MGAT4C: variants seen among roughly 807,000 people sequenced by gnomAD.
MGAT4C encodes alpha-1,3-mannosyl-glycoprotein 4-beta-N-acetylglucosaminyltransferase C.
Under a neutral mutation model 40.1 loss-of-function variants are expected in MGAT4C, and 19 were observed. The ratio of observed to expected loss-of-function variants is 0.47; its 90% CI spans 0.33 to 0.70. The LOEUF (loss-of-function observed/expected upper bound fraction) is 0.70. MGAT4C is among the 30% of genes least tolerant of loss of function. MGAT4C has a pLI of 0.02. For synonymous variants in MGAT4C, 181 were observed against 187.1 expected, an observed-to-expected ratio of 0.97 and a Z score of 0.27; for missense variants, 491 against 563.2, an observed-to-expected ratio of 0.87 and a Z score of 1.30.
intron 2 of MGAT4C, among the ~76,000 whole-genome samples, chr12:86,557,732 T>G (rs925997011): frequency 6.6e-6 from 1 of 152,162 alleles, no homozygotes; most frequent in Non-Finnish European, 1.5e-5. Context: ...GAAAAAGTGT[T>G]TCTCTAAGAA....
chr12:86,578,801 A>G (rs1161901571), intron 2 of MGAT4C, among the ~76,000 whole-genome samples: 1 of 151,474 alleles, frequency 6.6e-6, no homozygotes, highest in African/African-American at 2.4e-5. Context: ...AATTTTCAGA[A>G]AACTTTTTGT....
intron 3 of MGAT4C, among the ~76,000 whole-genome samples, chr12:86,348,710 G>T (rs1220677155): frequency 6.6e-6 from 1 of 151,814 alleles, no homozygotes; most frequent in African/African-American, 2.4e-5. Flanking sequence ...TTTTTTAGTT[G>T]TTTAATTTTT....
chr12:86,435,582 T>A (rs1446075176), intron 2 of MGAT4C, among the ~76,000 whole-genome samples: 1 of 151,906 alleles, frequency 6.6e-6, no homozygotes, highest in East Asian at 1.9e-4. Flanking sequence ...CACCTATATG[T>A]CTTTATTTTT....
intron 2 of MGAT4C, among the ~76,000 whole-genome samples, chr12:86,546,595 G>C (rs541576106): frequency 6.6e-6 from 1 of 152,122 alleles, no homozygotes; most frequent in Non-Finnish European, 1.5e-5. Flanking sequence ...AAGTTAAGCA[G>C]AGGCAAATTT....
chr12:86,451,293 C>T (rs994342089), intron 2 of MGAT4C, among the ~76,000 whole-genome samples: 4 of 152,136 alleles, frequency 2.6e-5, no homozygotes, highest in African/African-American at 9.7e-5. Context: ...CTTCATCTAC[C>T]TCCATGATTG....
At chr12:86,683,057 G>C (rs1314012322) in intron 2 of MGAT4C, among the ~76,000 whole-genome samples, 1 of 152,112 alleles carries the variant, frequency 6.6e-6, no homozygotes, top group Non-Finnish European at 1.5e-5. Context: ...TCCTGAGCAG[G>C]ATGTCTTTGG....
In MGAT4C at chr12:85,989,472, T is replaced by C. The variant is rs749807069; in HGVS notation, c.75A>G (p.Thr25=). The C allele has an allele frequency of 7.5e-6, 12 of 1,607,740 alleles. No individual in the cohort carries two copies. In the Admixed American group the frequency reaches 1.7e-4, roughly 23 times the overall value. The change falls in exon 3 of 5, where the codon ACA becomes ACG. Residue 25 remains threonine (T), a synonymous_variant. Coordinates refer to ENST00000611864, the MANE Select transcript of MGAT4C (RefSeq NM_001351288.2). ...TGACAAGAACTCCCAAGAATGACACTGTAGAACGTTTTCTCAGGCATCTCA... is the reference window on the plus strand; with the variant it reads ...TGACAAGAACTCCCAAGAATGACACCGTAGAACGTTTTCTCAGGCATCTCA... The part of the protein sequence containing the change: ...DKMRCLRKRS[T]VSFLGVLVIF...
At chr12:86,175,444 T>A (rs2135846027) in intron 1 of MGAT4C, among the ~76,000 whole-genome samples, 1 of 152,292 alleles carries the variant, frequency 6.6e-6, no homozygotes, top group South Asian at 2.1e-4. Context: ...TTTCAGAACC[T>A]CATCAGTTCT....
chr12:86,722,123 A>T (rs1388451418), intron 2 of MGAT4C, among the ~76,000 whole-genome samples: 2 of 152,134 alleles, frequency 1.3e-5, no homozygotes, highest in Non-Finnish European at 2.9e-5. Flanking sequence ...ATATTTTAGT[A>T]ATGGTTCTGT....
At position 85,980,198 on chromosome 12, in the gene MGAT4C, C is replaced by A; in HGVS notation, c.528G>T (p.Glu176Asp). Residue 176 changes from glutamate (E) to aspartate (D), a missense_variant, in exon 5 of 5, where the codon GAG (glutamate) becomes GAT (aspartate). Coordinates refer to ENST00000611864, the MANE Select transcript of MGAT4C (RefSeq NM_001351288.2). ...AGRLMVIHAP[E>D]EYYPILDGLK... ...GGCCATCTAGGATTGGGTAATACTC[C>A]TCTGGAGCATGTATAACCATTAATC... 1 of 1,613,824 alleles carries A rather than the reference C, an allele frequency of 6.2e-7. No homozygotes were observed. The highest frequency in any genetic ancestry group is 8.5e-7 in the Non-Finnish European group (1 of 1,179,858).
intron 2 of MGAT4C, among the ~76,000 whole-genome samples, chr12:86,511,973 G>A (rs1450178255): frequency 6.6e-6 from 1 of 151,872 alleles, no homozygotes; most frequent in Non-Finnish European, 1.5e-5. Context: ...TGAATTTGGA[G>A]AAAATATTTG....
intron 4 of MGAT4C, among the ~76,000 whole-genome samples, chr12:86,319,108 A>G (rs1381536919): frequency 6.6e-6 from 1 of 152,152 alleles, no homozygotes; most frequent in African/African-American, 2.4e-5. Flanking sequence ...CTGACAGACC[A>G]CAGATAACTA....
chr12:86,714,658 T>C (rs1235524606), intron 2 of MGAT4C, among the ~76,000 whole-genome samples: 2 of 151,984 alleles, frequency 1.3e-5, no homozygotes, highest in South Asian at 2.1e-4. Context: ...CATGCAGAAC[T>C]GTGAGTCCAT....
chr12:86,471,332 T>C (rs1957755218), intron 2 of MGAT4C, among the ~76,000 whole-genome samples: 1 of 151,986 alleles, frequency 6.6e-6, no homozygotes, highest in South Asian at 2.1e-4. Flanking sequence ...ATGACAACTA[T>C]AACATAGAAG....
At chr12:86,040,651 C>A (rs1186411322) in intron 2 of MGAT4C, among the ~76,000 whole-genome samples, 3 of 151,998 alleles carry the variant, frequency 2.0e-5, no homozygotes, top group Admixed American at 6.6e-5. Context: ...CTGGCTTCAG[C>A]CCCCTTTCCA....
chr12:86,474,280 C>A (rs1020388721), intron 2 of MGAT4C, among the ~76,000 whole-genome samples: 5 of 148,016 alleles, frequency 3.4e-5, no homozygotes, highest in Non-Finnish European at 7.4e-5. Context: ...GACAAAAAAC[C>A]AAACACCGCA....
intron 2 of MGAT4C, among the ~76,000 whole-genome samples, chr12:86,670,750 A>G (rs1964235732): frequency 6.6e-6 from 1 of 152,182 alleles, no homozygotes. Flanking sequence ...AGCATCACCA[A>G]GGCATATGGT....
chr12:86,591,815 A>AT (rs1322232480), intron 2 of MGAT4C, among the ~76,000 whole-genome samples: 3 of 151,728 alleles, frequency 2.0e-5, no homozygotes, highest in Non-Finnish European at 4.4e-5. Flanking sequence ...GAATCATCTC[A>AT]TTTTTTCTGG....
chr12:86,338,145 C>G (rs1345024083), intron 3 of MGAT4C, among the ~76,000 whole-genome samples: 1 of 152,152 alleles, frequency 6.6e-6, no homozygotes, highest in Non-Finnish European at 1.5e-5. Flanking sequence ...AAATCAGTCT[C>G]CCCGAACATT....
Sources: allele counts gnomAD v4.1 joint callset (sites outside exome capture counted in the v4.1 genomes callset), GRCh38; gene constraint gnomAD v4.1.1; transcripts MANE v1.5; gene names NCBI Gene and HGNC (gene_info 2026-07-23, HGNC 2026-07-21).